TMEM45A: variants seen among roughly 807,000 people sequenced by gnomAD.
TMEM45A encodes the protein DNA polymerase-transactivated protein 4.
In TMEM45A, 25 loss-of-function variants were observed where a neutral mutation model predicts 32.0. The ratio of observed to expected loss-of-function variants is 0.78; its 90% CI spans 0.57 to 1.09. The LOEUF (loss-of-function observed/expected upper bound fraction) is 1.09, where lower values mean the gene tolerates loss of function less well. Among genes scored for constraint, TMEM45A ranks in the 50% least tolerant of loss-of-function variants. The probability of loss-of-function intolerance (pLI) is 0.00; values close to 1 mark genes in which losing one functional copy is unlikely to be tolerated. For synonymous variants in TMEM45A, 122 were observed against 114.8 expected (o/e 1.06, Z -0.40); for missense variants, 302 against 325.0 (o/e 0.93, Z 0.54).
chr3:100,565,129 G>A (rs974230325), intron 4 of TMEM45A, among the ~76,000 whole-genome samples: 2 of 152,216 alleles, frequency 1.3e-5, no homozygotes, highest in Non-Finnish European at 2.9e-5. Context: ...ACTAGGGGAA[G>A]TTGTTGAAGT....
At chr3:100,511,427 A>C (rs1708157995) in intron 1 of TMEM45A, among the ~76,000 whole-genome samples, 1 of 150,998 alleles carries the variant, frequency 6.6e-6, no homozygotes, top group South Asian at 2.1e-4. Flanking sequence ...AAATGCTGAG[A>C]GATTTTGTCA....
chr3:100,571,613 T>C (rs1446859860), intron 5 of TMEM45A: 1 of 152,164 alleles, frequency 6.6e-6, no homozygotes, highest in African/African-American at 2.4e-5. Context: ...TTTATTATTA[T>C]TATACTTTAA....
chr3:100,559,391 T>G (rs1163048221), intron 4 of TMEM45A, among the ~76,000 whole-genome samples: 2 of 152,086 alleles, frequency 1.3e-5, no homozygotes, highest in Non-Finnish European at 2.9e-5. Flanking sequence ...TGAGGAGTGA[T>G]AAAAAGCATT....
intron 4 of TMEM45A, among the ~76,000 whole-genome samples, chr3:100,565,116 A>G (rs1706404947): frequency 6.6e-6 from 1 of 152,202 alleles, no homozygotes; most frequent in South Asian, 2.1e-4. Context: ...GCCATTTTGT[A>G]ATACTAGGGG....
At chr3:100,554,308 G>A (rs1234043022) in intron 1 of TMEM45A, among the ~76,000 whole-genome samples, 1 of 152,150 alleles carries the variant, frequency 6.6e-6, no homozygotes, top group Non-Finnish European at 1.5e-5. Flanking sequence ...GCTAGGTGGG[G>A]CTAAGGTGTT....
intron 1 of TMEM45A, among the ~76,000 whole-genome samples, chr3:100,553,667 G>C (rs1241092189): frequency 2.6e-5 from 4 of 152,126 alleles, no homozygotes; most frequent in Non-Finnish European, 5.9e-5. Context: ...AGAACTCCAG[G>C]TTTCATCTAG....
intron 4 of TMEM45A, among the ~76,000 whole-genome samples, chr3:100,566,313 T>C (rs1706437157): frequency 6.6e-6 from 1 of 152,196 alleles, no homozygotes; most frequent in Non-Finnish European, 1.5e-5. Context: ...ATTCTATATT[T>C]AACTTCCTGA....
chr3:100,551,815 A>G (rs1358778052), intron 1 of TMEM45A, among the ~76,000 whole-genome samples: 1 of 152,230 alleles, frequency 6.6e-6, no homozygotes, highest in African/African-American at 2.4e-5. Context: ...TCAGATTAAA[A>G]GGCTGAAGAC....
At chr3:100,536,595 C>G (rs909171350) in intron 1 of TMEM45A, among the ~76,000 whole-genome samples, 1 of 152,162 alleles carries the variant, frequency 6.6e-6, no homozygotes, top group Admixed American at 6.6e-5. Flanking sequence ...AGCAGACAGG[C>G]AGGAGCACTG....
chr3:100,520,455 G>GATGCTAGTAT (rs1705412715), intron 1 of TMEM45A, among the ~76,000 whole-genome samples: 1 of 152,184 alleles, frequency 6.6e-6, no homozygotes, highest in Non-Finnish European at 1.5e-5. Flanking sequence ...GATGCTAGTA[G>GATGCTAGTAT]ATGCTAGTTA....
At chr3:100,523,518 T>G (rs1013033608) in intron 1 of TMEM45A, among the ~76,000 whole-genome samples, 3 of 152,220 alleles carry the variant, frequency 2.0e-5, no homozygotes, top group Non-Finnish European at 4.4e-5. Flanking sequence ...ATGATATGCA[T>G]GAGAAATTCC....
intron 1 of TMEM45A, among the ~76,000 whole-genome samples, chr3:100,517,013 A>G (rs907231044): frequency 6.6e-6 from 1 of 152,186 alleles, no homozygotes; most frequent in South Asian, 2.1e-4. Flanking sequence ...CTGCTCTCAC[A>G]TTGAGCCTGG....
chr3:100,505,514 A>G lies in TMEM45A; in HGVS notation c.-4+12586A>G, dbSNP rs535128429. ...TTTAATAGAATGGAGAATGTGATGT[A>G]GCAAAGTGCGTCTTTGCCAAGCATC... On this transcript the variant is annotated intron_variant, in intron 1 of 5. Coordinates refer to ENST00000323523, the MANE Select transcript of TMEM45A (RefSeq NM_018004.3). 4.6e-5 allele frequency among the ~76,000 whole-genome samples: 7 copies of G among 152,370 alleles called. No individual in the cohort carries two copies. In the East Asian group the frequency reaches 1.3e-3, roughly 29 times the overall value.
At chr3:100,563,309 C>G (rs1413496050) in intron 4 of TMEM45A, among the ~76,000 whole-genome samples, 2 of 152,214 alleles carry the variant, frequency 1.3e-5, no homozygotes, top group African/African-American at 4.8e-5. Context: ...TCCAGTATGA[C>G]TTCACCTTAA....
At chr3:100,500,791 G>A (rs1265355318) in intron 1 of TMEM45A, among the ~76,000 whole-genome samples, 2 of 152,110 alleles carry the variant, frequency 1.3e-5, no homozygotes, top group African/African-American at 2.4e-5. Flanking sequence ...TCCTTCAAGA[G>A]AAATTTAAAA....
At chr3:100,537,255 T>C (rs913070612) in intron 1 of TMEM45A, among the ~76,000 whole-genome samples, 5 of 152,000 alleles carry the variant, frequency 3.3e-5, no homozygotes, top group Non-Finnish European at 7.4e-5. Context: ...TGAGGTTAGA[T>C]TGAATTTCAT....
chr3:100,504,062 C>T (rs1049536285), intron 1 of TMEM45A, among the ~76,000 whole-genome samples: 7 of 152,108 alleles, frequency 4.6e-5, no homozygotes, highest in Non-Finnish European at 1.0e-4. Context: ...CCTGAACTTC[C>T]AGCTTCCTCT....
intron 1 of TMEM45A, among the ~76,000 whole-genome samples, chr3:100,512,266 C>A (rs964477658): frequency 1.3e-5 from 2 of 152,168 alleles, no homozygotes; most frequent in Admixed American, 1.3e-4. Flanking sequence ...GAAATTATAA[C>A]AAACTATCTC....
intron 4 of TMEM45A, among the ~76,000 whole-genome samples, chr3:100,562,160 C>T (rs1238077152): frequency 6.6e-6 from 1 of 151,634 alleles, no homozygotes; most frequent in Non-Finnish European, 1.5e-5. Flanking sequence ...TAGTCGAAAC[C>T]AGATGTTCAG....
Sources: allele counts gnomAD v4.1 joint callset (sites outside exome capture counted in the v4.1 genomes callset), GRCh38; gene constraint gnomAD v4.1.1; transcripts MANE v1.5; gene names NCBI Gene and HGNC (gene_info 2026-07-23, HGNC 2026-07-21).